Variants in SLIT2 observed in about 807,000 individuals in gnomAD.
SLIT2 encodes the protein slit homolog 2 protein.
SLIT2 carries 41 observed loss-of-function variants against 185.7 expected under a neutral mutation model. That is an observed-to-expected ratio of 0.22 (90% CI 0.17 to 0.29). The LOEUF is 0.29. Ranked by LOEUF, SLIT2 falls within the 10% of genes least tolerant of loss-of-function variation. The pLI, the probability that SLIT2 is intolerant of heterozygous loss-of-function variation, is 1.00. For missense variants in SLIT2, 1,571 were observed against 1,909.0 expected, an observed-to-expected ratio of 0.82 and a Z score of 3.30; for synonymous variants, 693 against 680.2, an observed-to-expected ratio of 1.02 and a Z score of -0.29.
chr4:20,311,169 G>A (rs540913342), intron 4 of SLIT2, among the ~76,000 whole-genome samples: 2 of 152,322 alleles, frequency 1.3e-5, no homozygotes, highest in Non-Finnish European at 2.9e-5. Flanking sequence ...AATTTTAGGC[G>A]TGGGCCATGG....
chr4:20,343,629 G>A (rs1222162834), intron 4 of SLIT2, among the ~76,000 whole-genome samples: 1 of 151,772 alleles, frequency 6.6e-6, no homozygotes, highest in African/African-American at 2.4e-5. Context: ...AGCCTCCTGA[G>A]TAGCTAGGGC....
At chr4:20,322,761 TC>T (rs1198993022) in intron 4 of SLIT2, among the ~76,000 whole-genome samples, 1 of 152,120 alleles carries the variant, frequency 6.6e-6, no homozygotes, top group East Asian at 1.9e-4. Context: ...CCATTTTAAT[TC>T]CCCGCAGTGT....
rs1336053629 is a variant in SLIT2, at chr4:20,472,343, TATAG to T, written c.467+4524_467+4527del. ...ATATATATCTATATATAGATCTATA[TATAG>T]ATATAGATATCTATATAGATATCTA... On this transcript the variant is annotated intron_variant, in intron 5 of 36. Coordinates refer to ENST00000504154, the MANE Select transcript of SLIT2 (RefSeq NM_004787.4). Among the ~76,000 whole-genome samples the T allele has an allele frequency of 9.0e-5, 7 of 77,662 alleles. No homozygotes were observed. The South Asian group carries it at 2.3e-3, about 25-fold the overall frequency. The allele number at this position is 77,662 out of a possible 152,430, so 50.9% of individuals were successfully genotyped here. A position where few individuals can be genotyped will look rare whatever the true frequency, so the allele number is the denominator to read the frequency against.
chr4:20,579,193 A>G (rs541715236), intron 29 of SLIT2, among the ~76,000 whole-genome samples: 114 of 151,844 alleles, frequency 7.5e-4, no homozygotes, highest in African/African-American at 2.6e-3. Flanking sequence ...CCAGCTACTC[A>G]GGAGGCTGAG....
intron 4 of SLIT2, among the ~76,000 whole-genome samples, chr4:20,279,285 A>G (rs1714489214): frequency 6.6e-6 from 1 of 152,340 alleles, no homozygotes; most frequent in Non-Finnish European, 1.5e-5. Context: ...ATGACCCACC[A>G]TAATGTAGTT....
At chr4:20,293,462 T>C (rs1716165378) in intron 4 of SLIT2, among the ~76,000 whole-genome samples, 1 of 152,214 alleles carries the variant, frequency 6.6e-6, no homozygotes, top group Non-Finnish European at 1.5e-5. Flanking sequence ...TAGACTAAAA[T>C]TTTTAACAAA....
chr4:20,252,135 G>A lies in SLIT2; in HGVS notation c.-1681G>A, dbSNP rs1293223663. 6.6e-6 allele frequency among the ~76,000 whole-genome samples: 1 copy of A among 152,070 alleles called. No individual in the cohort carries two copies. The highest frequency in any genetic ancestry group is 1.5e-5 in the Non-Finnish European group (1 of 68,000). On this transcript the variant is annotated 5_prime_UTR_variant, in exon 1 of 37. Transcript: ENST00000504154. ...GCAGAAAGGGGAGCGCCGGGGGCCC[G>A]CAGCCGGCTCCGGAGGCGCGGGCCG...
At chr4:20,379,952 A>G (rs535179823) in intron 4 of SLIT2, among the ~76,000 whole-genome samples, 1 of 152,226 alleles carries the variant, frequency 6.6e-6, no homozygotes, top group Non-Finnish European at 1.5e-5. Flanking sequence ...ATAGAGGAAG[A>G]AACTACCTAG....
chr4:20,269,273 A>G (rs1713355323), intron 4 of SLIT2, among the ~76,000 whole-genome samples: 1 of 151,686 alleles, frequency 6.6e-6, no homozygotes, highest in South Asian at 2.1e-4. Flanking sequence ...CTTTTTTGGT[A>G]TTGTTTCTGG....
At chr4:20,326,773 T>A (rs552631333) in intron 4 of SLIT2, among the ~76,000 whole-genome samples, 1 of 130,792 alleles carries the variant, frequency 7.6e-6, no homozygotes. Context: ...TTTTTTTAAG[T>A]ACATGAATGA....
intron 16 of SLIT2, among the ~76,000 whole-genome samples, chr4:20,531,515 G>T (rs1419927690): frequency 1.3e-5 from 2 of 152,144 alleles, no homozygotes; most frequent in Admixed American, 6.5e-5. Context: ...TCTTTTGGGG[G>T]TAATGAAAAT....
At chr4:20,422,429 A>G (rs2109468654) in intron 4 of SLIT2, among the ~76,000 whole-genome samples, 1 of 152,180 alleles carries the variant, frequency 6.6e-6, no homozygotes, top group East Asian at 1.9e-4. Flanking sequence ...AGTTTCATAC[A>G]CAAGAATATT....
At chr4:20,401,976 A>G (rs1191920837) in intron 4 of SLIT2, among the ~76,000 whole-genome samples, 1 of 151,774 alleles carries the variant, frequency 6.6e-6, no homozygotes, top group Non-Finnish European at 1.5e-5. Flanking sequence ...ATTTTGTTTT[A>G]TTCTTTCTCA....
chr4:20,267,042 T>A (rs1713101133), intron 3 of SLIT2, among the ~76,000 whole-genome samples: 1 of 151,942 alleles, frequency 6.6e-6, no homozygotes, highest in Non-Finnish European at 1.5e-5. Flanking sequence ...TGGAATTGGC[T>A]CTTTGGACAA....
intron 32 of SLIT2, 112 bp from the exon 33 acceptor site, chr4:20,598,153 A>G (rs1363576130): frequency 2.0e-5 from 19 of 935,320 alleles, no homozygotes; most frequent in Non-Finnish European, 2.8e-5. Flanking sequence ...CATAGCCATC[A>G]GGAAAACATA....
At position 20,583,856 on chromosome 4, in the gene SLIT2, A is replaced by T. The variant is rs939992832; in HGVS notation, c.3089-5788A>T. ...AAAATAAAATAAAAATAAAAAAGTT[A>T]GGTTCATAGATCTAAAATGAAGCAG... On this transcript the variant is annotated intron_variant, in intron 29 of 36. Coordinates refer to ENST00000504154, the MANE Select transcript of SLIT2 (RefSeq NM_004787.4). Among the ~76,000 whole-genome samples the T allele has an allele frequency of 2.6e-5, 4 of 151,944 alleles. No homozygotes were observed. In the South Asian group the frequency reaches 8.3e-4, roughly 31 times the overall value.
At chr4:20,592,159 G>A (rs1420750247) in intron 30 of SLIT2, among the ~76,000 whole-genome samples, 3 of 152,132 alleles carry the variant, frequency 2.0e-5, no homozygotes, top group Admixed American at 2.0e-4. Flanking sequence ...ACTGACAAAT[G>A]TTGTTTAGAC....
chr4:20,574,082 G>C (rs1725860120), intron 29 of SLIT2, among the ~76,000 whole-genome samples: 1 of 151,924 alleles, frequency 6.6e-6, no homozygotes, highest in Admixed American at 6.6e-5. Context: ...AGCCTCCCAA[G>C]TAGCTGGGAC....
At chr4:20,467,964 A>G in intron 5 of SLIT2, 141 bp downstream of exon 5, 1 of 458,904 alleles carries the variant, frequency 2.2e-6, no homozygotes, top group Non-Finnish European at 3.9e-6. Context: ...TGTAACAGTA[A>G]GTTGTCAATT....
Sources: gnomAD v4.1 joint callset for allele counts (sites outside exome capture counted in the v4.1 genomes callset) on GRCh38, gnomAD v4.1.1 for gene constraint, MANE v1.5 for transcripts, NCBI Gene and HGNC (gene_info 2026-07-23, HGNC 2026-07-21) for gene names.